TMEM117: variants seen among roughly 807,000 people sequenced by gnomAD.
TMEM117 encodes transmembrane protein 117.
Under a neutral mutation model 52.4 loss-of-function variants are expected in TMEM117, and 27 were observed. That is an observed-to-expected ratio of 0.51 (90% CI 0.38 to 0.71). The LOEUF is 0.71. Among genes scored for constraint, TMEM117 ranks in the 30% least tolerant of loss-of-function variants. The probability of loss-of-function intolerance (pLI) is 0.00; values close to 1 mark genes in which losing one functional copy is unlikely to be tolerated. For missense variants in TMEM117, 556 were observed against 630.5 expected (o/e 0.88, Z 1.26); for synonymous variants, 215 against 206.3 (o/e 1.04, Z -0.36).
chr12:43,999,040 A>T (rs1457434799), intron 3 of TMEM117, among the ~76,000 whole-genome samples: 2 of 152,206 alleles, frequency 1.3e-5, no homozygotes, highest in Non-Finnish European at 2.9e-5. Flanking sequence ...GACAATCTCA[A>T]ATGTTGACAA....
At chr12:44,206,523 T>C (rs73100838) in intron 4 of TMEM117, among the ~76,000 whole-genome samples, 11,140 of 152,246 alleles carry the variant, frequency 0.073, 576 homozygotes, top group Middle Eastern at 0.16. Context: ...TGGATGTTTA[T>C]TGCAGCACTA....
intron 5 of TMEM117, among the ~76,000 whole-genome samples, chr12:44,268,892 C>G (rs1298024894): frequency 6.6e-6 from 1 of 152,056 alleles, no homozygotes; most frequent in Non-Finnish European, 1.5e-5. Flanking sequence ...GATCACAGTT[C>G]CCTCCTCCCT....
At chr12:44,092,144 G>A (rs1456085937) in intron 3 of TMEM117, among the ~76,000 whole-genome samples, 2 of 152,194 alleles carry the variant, frequency 1.3e-5, no homozygotes, top group East Asian at 3.8e-4. Flanking sequence ...AATCCGATAT[G>A]TATCAGCTGC....
rs73274180 is a variant in TMEM117, at chr12:44,280,986, A to G, written c.609-18594A>G. Among the ~76,000 whole-genome samples the G allele has an allele frequency of 5.9e-3, 894 of 151,872 alleles. 12 individuals are homozygous for G. The highest frequency in any genetic ancestry group is 0.021 in the African/African-American group (860 of 41,418). ...ACAAGTGCTGTCATGCATTTTCCTT[A>G]TTTTTGAGTGAAGTATGGTTGTTTT... On this transcript the variant is annotated intron_variant, in intron 5 of 7. Transcript: ENST00000266534.
intron 7 of TMEM117, among the ~76,000 whole-genome samples, chr12:44,380,266 A>G (rs557896730): frequency 6.9e-4 from 105 of 152,314 alleles, no homozygotes; most frequent in African/African-American, 2.4e-3. Flanking sequence ...TGGGGCCAGC[A>G]GAGGAGACTA....
chr12:43,899,447 C>T (rs886325927), intron 2 of TMEM117, among the ~76,000 whole-genome samples: 1 of 152,078 alleles, frequency 6.6e-6, no homozygotes, highest in Non-Finnish European at 1.5e-5. Context: ...ATTGGTAGTT[C>T]ATATATTCAT....
intron 2 of TMEM117, among the ~76,000 whole-genome samples, chr12:43,938,885 A>G (rs1407361463): frequency 6.6e-6 from 1 of 151,994 alleles, no homozygotes; most frequent in Non-Finnish European, 1.5e-5. Context: ...CTGTAATCCC[A>G]GCTACTCGGG....
chr12:43,799,800 C>T, the TMEM117 span, among the ~76,000 whole-genome samples: 1 of 152,056 alleles, frequency 6.6e-6, no homozygotes, highest in East Asian at 1.9e-4. Context: ...TATAGGACAA[C>T]TGTAATTAAC....
At chr12:44,047,693 T>A (rs986718327) in intron 3 of TMEM117, among the ~76,000 whole-genome samples, 2 of 152,194 alleles carry the variant, frequency 1.3e-5, no homozygotes, top group Non-Finnish European at 2.9e-5. Context: ...CTGTAGACCA[T>A]AAAACCCAAA....
intron 5 of TMEM117, among the ~76,000 whole-genome samples, chr12:44,255,532 C>A (rs1410310904): frequency 6.6e-6 from 1 of 152,032 alleles, no homozygotes; most frequent in Non-Finnish European, 1.5e-5. Flanking sequence ...AAATTTATAT[C>A]ATGGAATATT....
In TMEM117 at chr12:44,066,881, A is replaced by C. The variant is rs185728103; in HGVS notation, c.411-76644A>C. On this transcript the variant is annotated intron_variant, in intron 3 of 7. Transcript: ENST00000266534. ...TTTTCATGAAAGACTTCTCTGTAGC[A>C]TGTGATGCTGTTTGGTAGTCTTATA... is the stretch of plus-strand genomic sequence containing the variant. 4.1e-4 allele frequency among the ~76,000 whole-genome samples: 63 copies of C among 152,310 alleles called. No individual in the cohort carries two copies. The South Asian group carries it at 0.013, about 31-fold the overall frequency.
intron 3 of TMEM117, among the ~76,000 whole-genome samples, chr12:44,136,682 C>T (rs1948496107): frequency 1.3e-5 from 2 of 152,038 alleles, no homozygotes; most frequent in South Asian, 4.1e-4. Flanking sequence ...TTAAAAAATA[C>T]TTTAATATGA....
intron 5 of TMEM117, among the ~76,000 whole-genome samples, chr12:44,224,510 T>G (rs1028740859): frequency 2.0e-4 from 31 of 151,962 alleles, no homozygotes; most frequent in Non-Finnish European, 7.4e-5. Flanking sequence ...TTTGTCTTCT[T>G]CTTCTCCTTC....
chr12:43,919,584 G>C (rs955166436), intron 2 of TMEM117, among the ~76,000 whole-genome samples: 11 of 152,034 alleles, frequency 7.2e-5, no homozygotes, highest in African/African-American at 2.4e-4. Flanking sequence ...ATATAGCTTG[G>C]CTGTTGAAAC....
chr12:44,125,664 A>G (rs1216065839), intron 3 of TMEM117, among the ~76,000 whole-genome samples: 3 of 152,110 alleles, frequency 2.0e-5, no homozygotes, highest in Admixed American at 6.5e-5. Flanking sequence ...TCAGAAAACC[A>G]GCTCCTGGAT....
At chr12:43,966,413 G>A (rs1945486629) in intron 3 of TMEM117, among the ~76,000 whole-genome samples, 1 of 152,304 alleles carries the variant, frequency 6.6e-6, no homozygotes, top group South Asian at 2.1e-4. Flanking sequence ...ACCTTTGAAA[G>A]TGAAAGAAAG....
At position 44,089,803 on chromosome 12, in the gene TMEM117, G is replaced by C. The variant is rs554633070; in HGVS notation, c.411-53722G>C. Among the ~76,000 whole-genome samples the C allele has an allele frequency of 9.9e-5, 15 of 152,206 alleles. No individual in the cohort carries two copies. In the South Asian group the frequency reaches 3.1e-3, roughly 32 times the overall value. On this transcript the variant is annotated intron_variant, in intron 3 of 7. Transcript: ENST00000266534. ...AGACAGTAAGTATTTTAGCCTTGGT[G>C]GGCCATAGGTTTCAGTTGCAATATT...
At chr12:44,174,563 C>T (rs914457628) in intron 4 of TMEM117, among the ~76,000 whole-genome samples, 21 of 151,870 alleles carry the variant, frequency 1.4e-4, no homozygotes, top group African/African-American at 5.1e-4. Context: ...TTTCTTAGGC[C>T]AGAACTTTGA....
At chr12:44,039,552 T>C (rs763415207) in intron 3 of TMEM117, among the ~76,000 whole-genome samples, 2 of 151,936 alleles carry the variant, frequency 1.3e-5, no homozygotes, top group Non-Finnish European at 2.9e-5. Context: ...TGGCAATCCA[T>C]GTATAGATAA....
Sources: allele counts gnomAD v4.1 joint callset (sites outside exome capture counted in the v4.1 genomes callset), GRCh38; gene constraint gnomAD v4.1.1; transcripts MANE v1.5; gene names NCBI Gene and HGNC (gene_info 2026-07-23, HGNC 2026-07-21).